MAN1A2: variants seen among roughly 807,000 people sequenced by gnomAD.
The protein encoded by MAN1A2 is mannosidase alpha class 1A member 2, also known as mannosyl-oligosaccharide 1,2-alpha-mannosidase IB.
Under a neutral mutation model 75.7 loss-of-function variants are expected in MAN1A2, and 26 were observed. The ratio of observed to expected loss-of-function variants is 0.34; its 90% CI spans 0.25 to 0.48. The LOEUF (loss-of-function observed/expected upper bound fraction) is 0.48. Among genes scored for constraint, MAN1A2 ranks in the 20% least tolerant of loss-of-function variants. The pLI, the probability that MAN1A2 is intolerant of heterozygous loss-of-function variation, is 0.99. For missense variants in MAN1A2, 562 were observed against 775.5 expected (o/e 0.72, Z 3.27); for synonymous variants, 247 against 264.6 (o/e 0.93, Z 0.65).
chr1:117,417,614 G>GC (rs1648044635), intron 4 of MAN1A2, among the ~76,000 whole-genome samples: 1 of 141,132 alleles, frequency 7.1e-6, no homozygotes, highest in Non-Finnish European at 1.5e-5. Context: ...TCTTTTTTGT[G>GC]TTTGTGCTCT....
intron 5 of MAN1A2, among the ~76,000 whole-genome samples, chr1:117,423,328 C>CT (rs1648258138): frequency 6.6e-6 from 1 of 152,110 alleles, no homozygotes. Context: ...AGTCCTCCAA[C>CT]TTTATTCCTT....
chr1:117,395,949 T>C (rs1268300600), intron 1 of MAN1A2, among the ~76,000 whole-genome samples: 3 of 152,220 alleles, frequency 2.0e-5, no homozygotes, highest in Non-Finnish European at 1.5e-5. Flanking sequence ...TCAGGAAAGT[T>C]CCAAATGTTG....
chr1:117,449,167 C>T (rs1649328321), intron 6 of MAN1A2, among the ~76,000 whole-genome samples: 1 of 152,096 alleles, frequency 6.6e-6, no homozygotes, highest in African/African-American at 2.4e-5. Flanking sequence ...TTGGGCTTCC[C>T]TACTCCCTGA....
intron 6 of MAN1A2, among the ~76,000 whole-genome samples, chr1:117,442,812 CG>C (rs1385999074): frequency 4.0e-5 from 6 of 151,578 alleles, no homozygotes; most frequent in African/African-American, 1.5e-4. Context: ...ATGTTGACTG[CG>C]GGGTTTTTAT....
At chr1:117,391,413 T>G (rs568638197) in intron 1 of MAN1A2, among the ~76,000 whole-genome samples, 1 of 152,354 alleles carries the variant, frequency 6.6e-6, no homozygotes, top group South Asian at 2.1e-4. Context: ...ATTGTGAATT[T>G]GTTTACTTCT....
At chr1:117,408,775 T>TC (rs1293474348) in intron 3 of MAN1A2, among the ~76,000 whole-genome samples, 5 of 151,408 alleles carry the variant, frequency 3.3e-5, no homozygotes, top group Non-Finnish European at 7.4e-5. Context: ...CATCTGGAAT[T>TC]TTTTTTTTCT....
At chr1:117,390,007 T>G (rs1653665708) in intron 1 of MAN1A2, among the ~76,000 whole-genome samples, 1 of 152,190 alleles carries the variant, frequency 6.6e-6, no homozygotes, top group African/African-American at 2.4e-5. Flanking sequence ...GTTGTTACAT[T>G]AGTTGAGTTT....
intron 9 of MAN1A2, among the ~76,000 whole-genome samples, chr1:117,495,753 G>A (rs1453402555): frequency 6.6e-6 from 1 of 151,842 alleles, no homozygotes; most frequent in Non-Finnish European, 1.5e-5. Flanking sequence ...GTACTATCAT[G>A]AGGTTCAAAA....
chr1:117,510,178 T>A (rs1381992563), intron 12 of MAN1A2, among the ~76,000 whole-genome samples: 1 of 151,992 alleles, frequency 6.6e-6, no homozygotes, highest in Admixed American at 6.6e-5. Flanking sequence ...TTTACATATA[T>A]CTCTGCTCCC....
chr1:117,496,011 A>T (rs1651027304), intron 9 of MAN1A2, among the ~76,000 whole-genome samples: 1 of 151,948 alleles, frequency 6.6e-6, no homozygotes, highest in African/African-American at 2.4e-5. Context: ...GATGAGTAAG[A>T]CATAGTCACT....
intron 6 of MAN1A2, 83 bp downstream of exon 6, chr1:117,442,408 AT>A (rs34782879): frequency 0.071 from 57,829 of 814,886 alleles, 2,633 homozygotes; most frequent in Middle Eastern, 0.12. Context: ...TCACCCCCAC[AT>A]TTTTTTTAAA....
chr1:117,514,722 A>G, intron 12 of MAN1A2: 1 of 453,666 alleles, frequency 2.2e-6, no homozygotes, highest in Non-Finnish European at 4.5e-6. Context: ...TTGGAGAGAG[A>G]GAATCAGTGG....
chr1:117,466,410 C>G lies in MAN1A2; in HGVS notation c.1151C>G (p.Thr384Arg). 6.2e-7 allele frequency: 1 copy of G among 1,609,294 alleles called. No homozygotes were observed. The highest frequency in any genetic ancestry group is 8.5e-7 in the Non-Finnish European group (1 of 1,177,068). ...TATCCAAATTATTTGAACCCCAGAACAGGGCGCTGGGGTCAGTGTAAGTAT... is the reference window on the plus strand; with the variant it reads ...TATCCAAATTATTTGAACCCCAGAAGAGGGCGCTGGGGTCAGTGTAAGTAT... ...GLYPNYLNPRTGRWGQYHTSV... is the reference protein window; with the variant it reads ...GLYPNYLNPRRGRWGQYHTSV... The change falls in exon 8 of 13, where the codon ACA becomes AGA. Residue 384 changes from threonine to arginine, a missense_variant. Around this residue, in one of 2 missense-constraint regions of MAN1A2, gnomAD observed 434 missense variants for 645.7 expected, o/e 0.67. Coordinates refer to ENST00000356554, the MANE Select transcript of MAN1A2 (RefSeq NM_006699.5).
chr1:117,501,504 A>C (rs1018416952), intron 11 of MAN1A2, among the ~76,000 whole-genome samples: 2 of 151,674 alleles, frequency 1.3e-5, no homozygotes, highest in African/African-American at 4.8e-5. Context: ...CAAACTTCCA[A>C]ACTTGCCCTC....
chr1:117,391,866 T>C (rs1408346153), intron 1 of MAN1A2, among the ~76,000 whole-genome samples: 1 of 152,234 alleles, frequency 6.6e-6, no homozygotes, highest in African/African-American at 2.4e-5. Flanking sequence ...CCAGTCAGTA[T>C]TGTGAAAAAT....
rs552188594 is a variant in MAN1A2 at position 117,391,216 on chromosome 1, A to G, written c.303-10970A>G. Among the ~76,000 whole-genome samples the G allele has an allele frequency of 5.6e-4, 85 of 152,284 alleles. 1 individual carries two copies. Among genetic ancestry groups the G allele is most frequent in the African/African-American group, 2.0e-3 (85 of 41,570 alleles). On this transcript the variant is annotated intron_variant, in intron 1 of 12. Coordinates refer to ENST00000356554, the MANE Select transcript of MAN1A2 (RefSeq NM_006699.5). The stretch of plus-strand genomic sequence containing the variant: ...TTCATTGAAACTTGTTTTATGACCT[A>G]GAAAATGGTCTGTATTGGTACATGT...
intron 8 of MAN1A2, among the ~76,000 whole-genome samples, chr1:117,476,052 T>A (rs1197362094): frequency 6.6e-6 from 1 of 152,004 alleles, no homozygotes; most frequent in Non-Finnish European, 1.5e-5. Context: ...TTAATGATCG[T>A]CTTTCTAACT....
chr1:117,511,045 A>G (rs1651518020), intron 12 of MAN1A2, among the ~76,000 whole-genome samples: 2 of 152,102 alleles, frequency 1.3e-5, no homozygotes, highest in South Asian at 2.1e-4. Context: ...ACAGTTCTGC[A>G]TAACTGGGGA....
At chr1:117,475,429 T>C (rs973876096) in intron 8 of MAN1A2, among the ~76,000 whole-genome samples, 1 of 152,002 alleles carries the variant, frequency 6.6e-6, no homozygotes, top group African/African-American at 2.4e-5. Context: ...GTTTGTTATG[T>C]AGGTATACAC....
Sources: allele counts gnomAD v4.1 joint callset (sites outside exome capture counted in the v4.1 genomes callset), GRCh38; gene constraint gnomAD v4.1.1; regional missense constraint gnomAD v4.1.1; transcripts MANE v1.5; gene names NCBI Gene and HGNC (gene_info 2026-07-23, HGNC 2026-07-21).